ANK1: variants seen among roughly 807,000 people sequenced by gnomAD.
ANK1 encodes ankyrin-1.
In ANK1, 51 loss-of-function variants were observed where a neutral mutation model predicts 210.4. The ratio of observed to expected loss-of-function variants is 0.24; its 90% CI spans 0.19 to 0.31. The LOEUF is 0.31. Among genes scored for constraint, ANK1 ranks in the 10% least tolerant of loss-of-function variants. ANK1 has a pLI of 1.00. For missense variants in ANK1, 2,051 were observed against 2,504.4 expected (o/e 0.82, Z 3.86); for synonymous variants, 967 against 1,025.9 (o/e 0.94, Z 1.10).
chr8:41,812,816 A>G (rs1047106319), intron 1 of ANK1, among the ~76,000 whole-genome samples: 1 of 152,128 alleles, frequency 6.6e-6, no homozygotes, highest in African/African-American at 2.4e-5. Context: ...GATCCCTCTC[A>G]TGCACAGCTC....
intron 1 of ANK1, among the ~76,000 whole-genome samples, chr8:41,836,583 C>T (rs774487161): frequency 3.3e-5 from 5 of 152,138 alleles, no homozygotes; most frequent in Admixed American, 1.3e-4. Context: ...TTCCAACCGG[C>T]GAAAACTCAG....
In ANK1 at chr8:41,663,114, C is replaced by CTCTCTCTG. The variant is rs1554517870; in HGVS notation, c.5478+544_5478+545insCAGAGAGA. ...TGTGTGTGTGTCTCTCTCTCTCTCT[C>CTCTCTCTG]TGTGTGTGTGTGTGTGTGTGTGTGT... On this transcript the variant is annotated intron_variant, in intron 40 of 42. Transcript: ENST00000289734. 9.8e-3 allele frequency among the ~76,000 whole-genome samples: 1,421 copies of CTCTCTCTG among 145,194 alleles called. 26 individuals are homozygous for CTCTCTCTG. The highest frequency in any genetic ancestry group is 0.036 in the Admixed American group (525 of 14,482).
At chr8:41,674,153 G>C (rs1047614261) in intron 37 of ANK1, among the ~76,000 whole-genome samples, 5 of 152,144 alleles carry the variant, frequency 3.3e-5, no homozygotes, top group Admixed American at 6.5e-5. Context: ...TCCGCTCGGG[G>C]CCTCAGCTCC....
chr8:41,870,497 G>A (rs1815265012), intron 1 of ANK1, among the ~76,000 whole-genome samples: 1 of 152,162 alleles, frequency 6.6e-6, no homozygotes, highest in Non-Finnish European at 1.5e-5. Flanking sequence ...CCCTGTGACT[G>A]GGGATGTTTC....
At chr8:41,740,528 G>A (rs1019153578) in intron 2 of ANK1, among the ~76,000 whole-genome samples, 10 of 152,072 alleles carry the variant, frequency 6.6e-5, no homozygotes, top group Non-Finnish European at 1.5e-4. Flanking sequence ...GGAGTCCCAA[G>A]GTGGCTGCTC....
chr8:41,726,575 C>T (rs1001311259), intron 5 of ANK1, among the ~76,000 whole-genome samples: 9 of 152,156 alleles, frequency 5.9e-5, no homozygotes, highest in East Asian at 1.9e-4. Flanking sequence ...TCTGTAGAGA[C>T]GGGGTCTTGC....
chr8:41,743,103 G>A (rs995205561), intron 2 of ANK1, among the ~76,000 whole-genome samples: 4 of 152,176 alleles, frequency 2.6e-5, no homozygotes, highest in Non-Finnish European at 5.9e-5. Context: ...CTTGTTTGTG[G>A]AGTGAGACCA....
Position 41,693,120 on chromosome 8 carries a change from G to A in ANK1, c.3614C>T (p.Thr1205Ile). The A allele has an allele frequency of 6.2e-7, 1 of 1,611,906 alleles. No homozygotes were observed. The highest frequency in any genetic ancestry group is 8.5e-7 in the Non-Finnish European group (1 of 1,177,932). Residue 1205 changes from threonine (T) to isoleucine (I), a missense_variant, in exon 30 of 43, where the codon ACC becomes ATC. Around this residue, in one of 6 missense-constraint regions of ANK1, gnomAD observed 1,413 missense variants for 1,707.4 expected, o/e 0.83. Transcript: ENST00000289734. ...VYANECANFTTNVSARFWLSD... is the reference protein window; with the variant it reads ...VYANECANFTINVSARFWLSD... The stretch of plus-strand genomic sequence containing the variant: ...CTCGTCTCACCTGGCAGAGACATTG[G>A]TGGTGAAGTTGGCGCACTCGTTGGC...
At chr8:41,747,225 C>T (rs1012202253) in intron 2 of ANK1, among the ~76,000 whole-genome samples, 1 of 152,102 alleles carries the variant, frequency 6.6e-6, no homozygotes, top group African/African-American at 2.4e-5. Context: ...AGAAGTCAAT[C>T]GAATGCAAAC....
chr8:41,708,193 A>T (rs993530189), intron 17 of ANK1, among the ~76,000 whole-genome samples: 3 of 151,950 alleles, frequency 2.0e-5, no homozygotes, highest in Non-Finnish European at 4.4e-5. Context: ...ACTGTTATTT[A>T]AAAAAGAAGT....
At chr8:41,822,095 AGAGAGAGAGAGAGAGAG>A (rs1804422675) in intron 1 of ANK1, among the ~76,000 whole-genome samples, 1 of 53,490 alleles carries the variant, frequency 1.9e-5, no homozygotes, top group African/African-American at 9.3e-5. Flanking sequence ...AGAGAGAGAG[AGAGAGAGAGAGAGAGAG>A]AGAAAGAAAG....
intron 1 of ANK1, among the ~76,000 whole-genome samples, chr8:41,838,531 C>T (rs1053015221): frequency 2.6e-5 from 4 of 152,106 alleles, no homozygotes. Context: ...TTTGGGAGGC[C>T]GAGGCCGGCG....
intron 1 of ANK1, among the ~76,000 whole-genome samples, chr8:41,778,747 C>T (rs1586885834): frequency 6.6e-6 from 1 of 152,172 alleles, no homozygotes; most frequent in Admixed American, 6.6e-5. Flanking sequence ...AGGGAGTTTC[C>T]ATCCCTCACA....
intron 1 of ANK1, among the ~76,000 whole-genome samples, chr8:41,820,040 G>A (rs1006983259): frequency 2.6e-5 from 4 of 152,130 alleles, no homozygotes; most frequent in South Asian, 2.1e-4. Flanking sequence ...ACACAGGCAG[G>A]AAAACAATGA....
At chr8:41,670,054 CT>C (rs1811793424) in intron 38 of ANK1, among the ~76,000 whole-genome samples, 1 of 152,144 alleles carries the variant, frequency 6.6e-6, no homozygotes, top group Admixed American at 6.5e-5. Flanking sequence ...AGTCAGCCTT[CT>C]TTCCACACAC....
chr8:41,750,683 A>G lies in ANK1; in HGVS notation c.129+7353T>C, dbSNP rs551965155. ...GCCCTCTCCCCTTAAGGTGCCTACA[A>G]TTTAGTGAAGACAAAAATAAGCAGA... On this transcript the variant is annotated intron_variant, in intron 2 of 42. Coordinates refer to ENST00000289734, the MANE Select transcript of ANK1 (RefSeq NM_000037.4). 2.0e-5 allele frequency among the ~76,000 whole-genome samples: 3 copies of G among 152,308 alleles called. No homozygotes were observed. In the East Asian group the frequency reaches 5.8e-4, roughly 29 times the overall value.
intron 15 of ANK1, 46 bp from the exon 16 acceptor site, chr8:41,714,300 C>T (rs768146958): frequency 6.8e-7 from 1 of 1,478,800 alleles, no homozygotes; most frequent in South Asian, 1.4e-5. Flanking sequence ...CTCCCACGGA[C>T]TTTCTCCCAG....
At chr8:41,851,698 C>CA (rs146630054) in intron 1 of ANK1, among the ~76,000 whole-genome samples, 45 of 152,196 alleles carry the variant, frequency 3.0e-4, no homozygotes, top group Middle Eastern at 6.8e-3. Context: ...AAAGAAATTT[C>CA]AAAAAAACCA....
intron 1 of ANK1, among the ~76,000 whole-genome samples, chr8:41,880,690 C>T (rs1401153183): frequency 3.3e-5 from 5 of 152,252 alleles, no homozygotes; most frequent in South Asian, 4.1e-4. Context: ...GGCACTGGGA[C>T]GAGGAGCAGT....
Sources: gnomAD v4.1 joint callset for allele counts (sites outside exome capture counted in the v4.1 genomes callset) on GRCh38, gnomAD v4.1.1 for gene constraint, gnomAD v4.1.1 regional missense constraint, MANE v1.5 for transcripts, NCBI Gene and HGNC (gene_info 2026-07-23, HGNC 2026-07-21) for gene names.